The following FHIT variants were observed in gnomAD, a reference collection of about 807,000 sequenced individuals.
FHIT encodes bis(5'-adenosyl)-triphosphatase.
In FHIT, 19 loss-of-function variants were observed where a neutral mutation model predicts 17.9. That is an observed-to-expected ratio of 1.06 (90% CI 0.74 to 1.56). The LOEUF is 1.56. Among genes scored for constraint, FHIT ranks in the 40% most tolerant of loss-of-function variants. FHIT has a pLI of 0.00. For missense variants in FHIT, 248 were observed against 189.2 expected (o/e 1.31, Z -1.82); for synonymous variants, 81 against 69.7 (o/e 1.16, Z -0.81).
At chr3:60,568,636 T>G (rs2856010) in intron 4 of FHIT, among the ~76,000 whole-genome samples, 127,788 of 151,992 alleles carry the variant, frequency 0.84, 54,212 homozygotes, top group African/African-American at 0.95. Context: ...AAAGAAAACT[T>G]CTAGACTTCC....
intron 3 of FHIT, among the ~76,000 whole-genome samples, chr3:60,847,646 C>A (rs1229585067): frequency 6.6e-6 from 1 of 152,160 alleles, no homozygotes; most frequent in South Asian, 2.1e-4. Context: ...CTGCCACTTA[C>A]AGTAGGATGC....
intron 4 of FHIT, among the ~76,000 whole-genome samples, chr3:60,552,589 A>T (rs922195147): frequency 9.9e-5 from 15 of 152,074 alleles, no homozygotes; most frequent in African/African-American, 3.6e-4. Context: ...TCTATTCCTA[A>T]CGTATAGTGA....
intron 5 of FHIT, among the ~76,000 whole-genome samples, chr3:60,097,282 G>A (rs572205728): frequency 6.6e-6 from 1 of 152,176 alleles, no homozygotes; most frequent in African/African-American, 2.4e-5. Flanking sequence ...AAATGGAATA[G>A]TAGGAAGGGG....
intron 4 of FHIT, among the ~76,000 whole-genome samples, chr3:60,625,797 T>G (rs2107761992): frequency 6.6e-6 from 1 of 152,338 alleles, no homozygotes; most frequent in Admixed American, 6.5e-5. Context: ...TGTTAAGACA[T>G]CATATCTAAA....
At chr3:60,200,908 T>C (rs996287171) in intron 5 of FHIT, among the ~76,000 whole-genome samples, 1 of 152,164 alleles carries the variant, frequency 6.6e-6, no homozygotes, top group Non-Finnish European at 1.5e-5. Flanking sequence ...CCCATCCTTC[T>C]GTCCATTCAT....
intron 8 of FHIT, among the ~76,000 whole-genome samples, chr3:59,921,110 G>C (rs1209131443): frequency 2.0e-5 from 3 of 152,124 alleles, no homozygotes; most frequent in Non-Finnish European, 4.4e-5. Flanking sequence ...TACAGCTCTT[G>C]GAAAACATAC....
chr3:59,848,689 T>C (rs1701814640), intron 8 of FHIT, among the ~76,000 whole-genome samples: 1 of 152,226 alleles, frequency 6.6e-6, no homozygotes, highest in African/African-American at 2.4e-5. Context: ...TCCAGCCTTG[T>C]TATTATCCAG....
chr3:60,229,811 C>G (rs558677846), intron 5 of FHIT, among the ~76,000 whole-genome samples: 2 of 152,134 alleles, frequency 1.3e-5, no homozygotes, highest in Non-Finnish European at 2.9e-5. Context: ...AAGTCCATAT[C>G]TCTAAAAGGA....
chr3:60,845,684 G>A (rs560981516), intron 3 of FHIT, among the ~76,000 whole-genome samples: 1 of 152,214 alleles, frequency 6.6e-6, no homozygotes, highest in East Asian at 1.9e-4. Flanking sequence ...GCAGACTTCA[G>A]TTACCTTTAC....
chr3:60,288,319 T>A (rs2106640822), intron 5 of FHIT, among the ~76,000 whole-genome samples: 1 of 152,146 alleles, frequency 6.6e-6, no homozygotes, highest in African/African-American at 2.4e-5. Flanking sequence ...TAATACAAGG[T>A]GGGAGGAGAT....
chr3:59,973,165 A>C (rs935588580), intron 7 of FHIT, among the ~76,000 whole-genome samples: 2 of 152,012 alleles, frequency 1.3e-5, no homozygotes, highest in Non-Finnish European at 2.9e-5. Flanking sequence ...TGTCTTCCAA[A>C]TGCATCTTGC....
At chr3:59,941,858 TG>T (rs1448192922) in intron 7 of FHIT, among the ~76,000 whole-genome samples, 1 of 152,160 alleles carries the variant, frequency 6.6e-6, no homozygotes, top group African/African-American at 2.4e-5. Flanking sequence ...TGATAAGGGC[TG>T]AGGATGAAGT....
At chr3:60,320,582 T>C (rs968940983) in intron 5 of FHIT, among the ~76,000 whole-genome samples, 1 of 152,234 alleles carries the variant, frequency 6.6e-6, no homozygotes, top group Admixed American at 6.5e-5. Context: ...AAAAATGGTA[T>C]GCTCTGAATG....
chr3:60,595,509 G>GTA (rs1214233521), intron 4 of FHIT, among the ~76,000 whole-genome samples: 13 of 109,414 alleles, frequency 1.2e-4, no homozygotes, highest in Admixed American at 3.1e-4. Context: ...GTGTGTGTGT[G>GTA]TATATATATA....
intron 5 of FHIT, among the ~76,000 whole-genome samples, chr3:60,529,922 G>A (rs1487957209): frequency 1.3e-5 from 2 of 152,050 alleles, no homozygotes; most frequent in African/African-American, 4.8e-5. Context: ...TACATTCTGT[G>A]TAGATCCGCA....
At chr3:60,995,653 C>T (rs1241641145) in intron 3 of FHIT, among the ~76,000 whole-genome samples, 2 of 152,142 alleles carry the variant, frequency 1.3e-5, no homozygotes, top group African/African-American at 4.8e-5. Flanking sequence ...TGACATAAAC[C>T]AAGGTGCTAC....
chr3:60,979,654 C>T (rs983026322), intron 3 of FHIT, among the ~76,000 whole-genome samples: 2 of 152,162 alleles, frequency 1.3e-5, no homozygotes, highest in Non-Finnish European at 2.9e-5. Context: ...ACTAAAGGGT[C>T]TCAGGGCAGC....
At position 60,941,418 on chromosome 3, in the gene FHIT, G is replaced by T. The variant is rs75906121; in HGVS notation, c.-111+100629C>A. On this transcript the variant is annotated intron_variant, in intron 3 of 9. Coordinates refer to ENST00000492590, the MANE Select transcript of FHIT (RefSeq NM_002012.4). ...ATTCCAGATAAGTCCAACACTTAAA[G>T]AAATTAACAAACTCATGATTGCAGC... 8.3e-4 allele frequency among the ~76,000 whole-genome samples: 85 copies of T among 102,582 alleles called. 3 individuals carry two copies. In the East Asian group the frequency reaches 0.024, roughly 29 times the overall value. 67.3% of individuals were successfully genotyped at this position (102,582 alleles called of 152,430 possible). A position where few individuals can be genotyped will look rare whatever the true frequency, so the allele number is the denominator to read the frequency against.
chr3:60,049,010 G>A (rs1443784892), intron 5 of FHIT, among the ~76,000 whole-genome samples: 3 of 152,168 alleles, frequency 2.0e-5, no homozygotes, highest in Non-Finnish European at 4.4e-5. Context: ...CAGCACACCA[G>A]CAGCCTAGAA....
Sources: gnomAD v4.1 joint callset for allele counts (sites outside exome capture counted in the v4.1 genomes callset) on GRCh38, gnomAD v4.1.1 for gene constraint, MANE v1.5 for transcripts, NCBI Gene and HGNC (gene_info 2026-07-23, HGNC 2026-07-21) for gene names.